The following TSPAN1 variants were observed in gnomAD, a reference collection of about 807,000 sequenced individuals.
TSPAN1 encodes tetraspanin 1.
TSPAN1 carries 23 observed loss-of-function variants against 26.9 expected under a neutral mutation model. That is an observed-to-expected ratio of 0.85 (90% CI 0.62 to 1.21). The LOEUF (loss-of-function observed/expected upper bound fraction) is 1.21, where lower values mean the gene tolerates loss of function less well. TSPAN1 is among the 50% of genes most tolerant of loss of function. The probability of loss-of-function intolerance (pLI) is 0.00; values close to 1 mark genes in which losing one functional copy is unlikely to be tolerated. For missense variants in TSPAN1, 283 were observed against 298.4 expected (o/e 0.95, Z 0.38); for synonymous variants, 115 against 114.8 (o/e 1.00, Z -0.01).
downstream of TSPAN1, among the ~76,000 whole-genome samples, chr1:46,186,501 T>TG: frequency 6.7e-6 from 1 of 149,114 alleles, no homozygotes; most frequent in South Asian, 2.1e-4. Flanking sequence ...TTTTTTTTTT[T>TG]TTTTTTGGGA....
At chr1:46,189,720 T>C, downstream of TSPAN1, 2 of 1,549,452 alleles carry the variant, frequency 1.3e-6, no homozygotes, top group South Asian at 1.2e-5. Context: ...GACAAGGAGG[T>C]TGGAAGAGGT....
At position 46,175,344 on chromosome 1, in the gene TSPAN1, GA is replaced by G; in HGVS notation, c.-206del. On this transcript the variant is annotated 5_prime_UTR_variant, in exon 1 of 9. An upstream open reading frame in the 5' UTR loses its in-frame stop. Transcript: ENST00000372003. ...GAGACCAAAGATGGTCTATGTTGCT[GA>G]CCTTGTCCTGTCCTCCTGCTGTCTT... The G allele has an allele frequency of 2.7e-6, 1 of 367,044 alleles. No homozygotes were observed. Among genetic ancestry groups the G allele is most frequent in the East Asian group, 4.0e-5 (1 of 25,162 alleles). The allele number at this position is 367,044 out of a possible 1,614,324, so 22.7% of individuals were successfully genotyped here. A position where few individuals can be genotyped will look rare whatever the true frequency, so the allele number is the denominator to read the frequency against.
chr1:46,188,348 C>A (rs1002177037), downstream of TSPAN1, among the ~76,000 whole-genome samples: 28 of 152,330 alleles, frequency 1.8e-4, no homozygotes, highest in Admixed American at 1.7e-3. Flanking sequence ...TCCCCAGTAT[C>A]CCTTTTTGTT....
the TSPAN1 span, chr1:46,193,114 C>T: frequency 5.6e-6 from 9 of 1,612,050 alleles, no homozygotes; most frequent in African/African-American, 8.0e-5. Context: ...GTAACAGGCC[C>T]AGACCTTATG....
downstream of TSPAN1, chr1:46,190,103 T>TC: frequency 1.6e-6 from 2 of 1,265,620 alleles, no homozygotes; most frequent in Non-Finnish European, 2.1e-6. Context: ...AGTTCTTTTT[T>TC]TTTTTTTTTT....
the TSPAN1 span, chr1:46,194,314 C>T: frequency 2.1e-4 from 342 of 1,614,224 alleles, 1 homozygote; most frequent in African/African-American, 3.8e-3. Context: ...GTCCTTGCAG[C>T]TGCATACACT....
downstream of TSPAN1, chr1:46,190,900 C>T (rs1657714826): frequency 2.1e-6 from 2 of 951,758 alleles, no homozygotes; most frequent in African/African-American, 1.6e-5. Flanking sequence ...TGTAAAGAGC[C>T]CTCTAATTTC....
At chr1:46,185,412 G>A (rs1006586423) in intron 8 of TSPAN1, 74 bp from the exon 9 acceptor site, 1 of 1,609,534 alleles carries the variant, frequency 6.2e-7, no homozygotes, top group African/African-American at 1.3e-5. Context: ...CTGGGCCTCA[G>A]GTAGGGTGTC....
chr1:46,177,581 C>T (rs1230385689), intron 1 of TSPAN1, among the ~76,000 whole-genome samples: 1 of 152,052 alleles, frequency 6.6e-6, no homozygotes, highest in East Asian at 1.9e-4. Flanking sequence ...GCAAAAAACA[C>T]CAAAAAATGT....
chr1:46,182,752 G>A (rs781714795), intron 3 of TSPAN1, among the ~76,000 whole-genome samples: 1 of 152,140 alleles, frequency 6.6e-6, no homozygotes, highest in Non-Finnish European at 1.5e-5. Flanking sequence ...TTCTGATGTG[G>A]TCTGTGCCTT....
chr1:46,184,699 G>A (rs773134043), intron 5 of TSPAN1, 31 bp downstream of exon 5: 3 of 1,614,124 alleles, frequency 1.9e-6, no homozygotes, highest in East Asian at 2.2e-5. Context: ...AAGGGAAGAA[G>A]ATTGGGCAAA....
chr1:46,189,814 G>A (rs190156535), downstream of TSPAN1: 4 of 1,612,466 alleles, frequency 2.5e-6, no homozygotes, highest in Non-Finnish European at 2.5e-6. Context: ...ATGTGTGTGA[G>A]GGGGAGGGGT....
chr1:46,176,393 G>A (rs1488831953), intron 1 of TSPAN1: 6 of 1,535,760 alleles, frequency 3.9e-6, no homozygotes, highest in Non-Finnish European at 4.4e-6. Flanking sequence ...CGGGGCCTGG[G>A]CCAGCCCATA....
downstream of TSPAN1, chr1:46,188,748 G>A: frequency 1.9e-6 from 3 of 1,610,862 alleles, no homozygotes; most frequent in Non-Finnish European, 2.5e-6. Flanking sequence ...TGGACAAAGA[G>A]AAGGCTGAGA....
the TSPAN1 span, chr1:46,195,869 G>A: frequency 6.2e-7 from 1 of 1,613,068 alleles, no homozygotes; most frequent in Non-Finnish European, 8.5e-7. Flanking sequence ...TAGCACCATG[G>A]CCTCATCCTC....
intron 1 of TSPAN1, among the ~76,000 whole-genome samples, chr1:46,178,120 C>G (rs1300211501): frequency 1.3e-5 from 2 of 151,964 alleles, no homozygotes; most frequent in African/African-American, 2.4e-5. Flanking sequence ...ACTTTGGGAG[C>G]CCGAGGTGGG....
downstream of TSPAN1, among the ~76,000 whole-genome samples, chr1:46,187,900 G>A (rs1657472143): frequency 6.6e-6 from 1 of 152,178 alleles, no homozygotes; most frequent in African/African-American, 2.4e-5. Flanking sequence ...AGGAGGGCTG[G>A]AGTTCCAGCT....
chr1:46,187,418 C>G (rs1004529580), downstream of TSPAN1, among the ~76,000 whole-genome samples: 51 of 152,288 alleles, frequency 3.3e-4, no homozygotes, highest in African/African-American at 1.2e-3. Flanking sequence ...ACAAACCAGT[C>G]CCCCTCCTTA....
chr1:46,184,929 G>A, intron 6 of TSPAN1, 31 bp from the exon 7 acceptor site: 1 of 1,614,062 alleles, frequency 6.2e-7, no homozygotes, highest in East Asian at 2.2e-5. Flanking sequence ...AAAGAAGCAA[G>A]GCCCCACCTC....
Sources: allele counts gnomAD v4.1 joint callset (sites outside exome capture counted in the v4.1 genomes callset), GRCh38; gene constraint gnomAD v4.1.1; transcripts MANE v1.5; gene names NCBI Gene and HGNC (gene_info 2026-07-23, HGNC 2026-07-21).